Variants in RBPJ observed in about 807,000 individuals in gnomAD.
The protein encoded by RBPJ is recombination signal binding protein for immunoglobulin kappa J region.
RBPJ carries 9 observed loss-of-function variants against 67.8 expected under a neutral mutation model. The ratio of observed to expected loss-of-function variants is 0.13; its 90% CI spans 0.08 to 0.23. The LOEUF (loss-of-function observed/expected upper bound fraction) is 0.23, where lower values mean the gene tolerates loss of function less well. Ranked by LOEUF, RBPJ falls within the 10% of genes least tolerant of loss-of-function variation. The probability of loss-of-function intolerance (pLI) is 1.00; values close to 1 mark genes in which losing one functional copy is unlikely to be tolerated. For synonymous variants in RBPJ, 198 were observed against 203.3 expected, an observed-to-expected ratio of 0.97 and a Z score of 0.22; for missense variants, 305 against 595.6, an observed-to-expected ratio of 0.51 and a Z score of 5.08.
chr4:26,406,737 A>C (rs1239638689), intron 3 of RBPJ, among the ~76,000 whole-genome samples: 1 of 152,228 alleles, frequency 6.6e-6, no homozygotes, highest in Admixed American at 6.5e-5. Context: ...AGGGAGAACA[A>C]AGAAGAGAGG....
At chr4:26,246,849 T>C (rs897798377) in intron 1 of RBPJ, among the ~76,000 whole-genome samples, 1 of 152,166 alleles carries the variant, frequency 6.6e-6, no homozygotes, top group African/African-American at 2.4e-5. Flanking sequence ...TGAGATCTTA[T>C]CTTGCTGAGG....
intron 1 of RBPJ, among the ~76,000 whole-genome samples, chr4:26,301,910 A>C (rs991298011): frequency 1.3e-5 from 2 of 152,018 alleles, no homozygotes; most frequent in African/African-American, 4.8e-5. Context: ...CTCCTGCTGC[A>C]GCCTCCCGAG....
chr4:26,363,069 G>C (rs989274332), intron 1 of RBPJ, among the ~76,000 whole-genome samples: 1 of 152,140 alleles, frequency 6.6e-6, no homozygotes, highest in Non-Finnish European at 1.5e-5. Flanking sequence ...TTTTATTTGG[G>C]CCATTTAGTA....
the RBPJ span, among the ~76,000 whole-genome samples, chr4:26,109,369 G>T: frequency 6.8e-6 from 1 of 146,182 alleles, no homozygotes; most frequent in East Asian, 2.1e-4. Context: ...GCTGCCCAAA[G>T]TGCTGGGATT....
chr4:26,363,585 C>T (rs1728302629), intron 1 of RBPJ, among the ~76,000 whole-genome samples: 1 of 152,094 alleles, frequency 6.6e-6, no homozygotes, highest in African/African-American at 2.4e-5. Context: ...ACTACAGGTG[C>T]CCGCCACCAC....
chr4:26,161,121 A>G (rs965616029), upstream of RBPJ, among the ~76,000 whole-genome samples: 10 of 152,198 alleles, frequency 6.6e-5, no homozygotes, highest in African/African-American at 2.2e-4. Context: ...TGACAGTTCC[A>G]AGCCTCGGCC....
chr4:26,399,687 T>G (rs1276122384), intron 2 of RBPJ, among the ~76,000 whole-genome samples: 3 of 149,604 alleles, frequency 2.0e-5, no homozygotes, highest in Non-Finnish European at 4.5e-5. Context: ...AAATCTCCTT[T>G]TTTTGTTTTG....
intron 1 of RBPJ, among the ~76,000 whole-genome samples, chr4:26,297,226 G>T (rs1721903874): frequency 6.6e-6 from 1 of 152,130 alleles, no homozygotes; most frequent in African/African-American, 2.4e-5. Context: ...AACCTGGGAG[G>T]TCAAGGCTGC....
intron 1 of RBPJ, among the ~76,000 whole-genome samples, chr4:26,282,609 C>T (rs989352510): frequency 6.6e-6 from 1 of 152,028 alleles, no homozygotes; most frequent in Non-Finnish European, 1.5e-5. Flanking sequence ...CAACCTCTAC[C>T]TCCCGGGTTC....
In RBPJ at chr4:26,415,470, T is replaced by C; in HGVS notation, c.156-5T>C. On this transcript the variant is annotated splice_polypyrimidine_tract_variant and splice_region_variant and intron_variant, in intron 3 of 10. Transcript: ENST00000355476. ...TGTTTTTTTTTTTCCCCTATTATTCTTCAGGTTTTTTTGCCCACCTCCTTG... is the reference window on the plus strand; with the variant it reads ...TGTTTTTTTTTTTCCCCTATTATTCCTCAGGTTTTTTTGCCCACCTCCTTG... 6.4e-7 allele frequency: 1 copy of C among 1,574,120 alleles called. No individual in the cohort carries two copies.
chr4:26,145,171 C>CTCAT, the RBPJ span, among the ~76,000 whole-genome samples: 13,451 of 151,760 alleles, frequency 0.089, 685 homozygotes, highest in African/African-American at 0.13. Context: ...ATACAAGCTG[C>CTCAT]TCGTCCCAGA....
intron 1 of RBPJ, among the ~76,000 whole-genome samples, chr4:26,368,598 A>T (rs536774164): frequency 6.6e-6 from 1 of 152,168 alleles, no homozygotes; most frequent in Non-Finnish European, 1.5e-5. Flanking sequence ...CCTAGAGTGT[A>T]CTTTAGAAGG....
intron 1 of RBPJ, among the ~76,000 whole-genome samples, chr4:26,275,877 C>T (rs958908207): frequency 2.6e-5 from 4 of 151,928 alleles, no homozygotes; most frequent in African/African-American, 7.2e-5. Flanking sequence ...CTGCCCACCT[C>T]GGCCTCCCAA....
chr4:26,430,395 G>A lies in RBPJ; in HGVS notation c.1045-24G>A, dbSNP rs745312650. The A allele has an allele frequency of 2.3e-5, 36 of 1,565,372 alleles. No homozygotes were observed. The highest frequency in any genetic ancestry group is 8.4e-5 in the Admixed American group (5 of 59,678). Reference sequence around the variant, plus strand: ...ATGAAAAATGAAAAGTTTTCTCAGTGTTGTGATTTTCTGTGAATTGCAGTT... The same window carrying A: ...ATGAAAAATGAAAAGTTTTCTCAGTATTGTGATTTTCTGTGAATTGCAGTT... On this transcript the variant is annotated intron_variant, in intron 9 of 10. Transcript: ENST00000355476. This position sits in a 1 kb window ranked among gnomAD's most constrained non-coding sequence, Gnocchi z 4.1.
intron 1 of RBPJ, among the ~76,000 whole-genome samples, chr4:26,266,232 T>C (rs1720701575): frequency 6.6e-6 from 1 of 152,140 alleles, no homozygotes; most frequent in Admixed American, 6.5e-5. Flanking sequence ...AAGAGGCTTG[T>C]TGGATGTGTA....
At chr4:26,162,967 G>C (rs1716122676), upstream of RBPJ, among the ~76,000 whole-genome samples, 1 of 152,208 alleles carries the variant, frequency 6.6e-6, no homozygotes, top group South Asian at 2.1e-4. Context: ...TAAGCTTGGA[G>C]ATGTGGCACT....
At chr4:26,362,681 T>G (rs1577526204) in intron 1 of RBPJ, 1 of 1,367,146 alleles carries the variant, frequency 7.3e-7, no homozygotes, top group Non-Finnish European at 1.0e-6. Flanking sequence ...GAATGAACAC[T>G]CATGATTCTG....
At chr4:26,417,230 C>T (rs143174668) in intron 4 of RBPJ, among the ~76,000 whole-genome samples, 8 of 152,286 alleles carry the variant, frequency 5.3e-5, no homozygotes, top group African/African-American at 1.9e-4. Flanking sequence ...CTCATTTTAA[C>T]CAGTTCCAGC....
intron 1 of RBPJ, among the ~76,000 whole-genome samples, chr4:26,254,561 C>G (rs989428638): frequency 6.7e-6 from 1 of 148,762 alleles, no homozygotes; most frequent in Admixed American, 6.6e-5. Flanking sequence ...GCACTCAATA[C>G]TTTGATTTTA....
Sources: allele counts gnomAD v4.1 joint callset (sites outside exome capture counted in the v4.1 genomes callset), GRCh38; gene constraint gnomAD v4.1.1; non-coding constraint Gnocchi (gnomAD v3.1); transcripts MANE v1.5; gene names NCBI Gene and HGNC (gene_info 2026-07-23, HGNC 2026-07-21).